The following OSBPL6 variants were observed in gnomAD, a reference collection of about 807,000 sequenced individuals.
OSBPL6 encodes oxysterol-binding protein-related protein 6.
A neutral mutation model predicts 125.8 loss-of-function variants in OSBPL6; 49 were observed. That is an observed-to-expected ratio of 0.39 (90% CI 0.31 to 0.49). OSBPL6 has a LOEUF of 0.49. Among genes scored for constraint, OSBPL6 ranks in the 20% least tolerant of loss-of-function variants. OSBPL6 has a pLI of 0.88. For missense variants in OSBPL6, 986 were observed against 1,135.4 expected (o/e 0.87, Z 1.89); for synonymous variants, 394 against 391.8 (o/e 1.01, Z -0.07).
intron 12 of OSBPL6, among the ~76,000 whole-genome samples, chr2:178,355,262 C>T (rs1211466156): frequency 1.3e-5 from 2 of 151,272 alleles, no homozygotes; most frequent in South Asian, 2.1e-4. Context: ...GAGATAGAGA[C>T]ACAAAAAAAC....
At chr2:178,203,853 G>A (rs1383269601) in intron 1 of OSBPL6, among the ~76,000 whole-genome samples, 3 of 152,040 alleles carry the variant, frequency 2.0e-5, no homozygotes, top group South Asian at 2.1e-4. Context: ...CCCAATGTCC[G>A]CTGAATCATG....
At chr2:178,343,010 G>C (rs1484229729) in intron 11 of OSBPL6, among the ~76,000 whole-genome samples, 1 of 152,110 alleles carries the variant, frequency 6.6e-6, no homozygotes, top group African/African-American at 2.4e-5. Context: ...ATGTGTGTAT[G>C]TATGTATGAC....
intron 3 of OSBPL6, among the ~76,000 whole-genome samples, chr2:178,322,497 G>A (rs571912000): frequency 6.6e-6 from 1 of 152,216 alleles, no homozygotes; most frequent in South Asian, 2.1e-4. Context: ...TAGTTCTCTT[G>A]TCTGTTTTGT....
At chr2:178,275,227 T>C (rs575561819) in intron 1 of OSBPL6, among the ~76,000 whole-genome samples, 2 of 152,196 alleles carry the variant, frequency 1.3e-5, no homozygotes, top group East Asian at 3.9e-4. Flanking sequence ...AGAAAGATAA[T>C]GGTGCTGGGC....
chr2:178,210,060 C>T (rs964849091), intron 1 of OSBPL6, among the ~76,000 whole-genome samples: 5 of 152,008 alleles, frequency 3.3e-5, no homozygotes, highest in Non-Finnish European at 5.9e-5. Flanking sequence ...CACTCTATCA[C>T]CCAGGCTGGA....
chr2:178,395,127 G>A (rs1017508317), intron 24 of OSBPL6, among the ~76,000 whole-genome samples: 2 of 152,100 alleles, frequency 1.3e-5, no homozygotes, highest in Non-Finnish European at 2.9e-5. Flanking sequence ...GGATTCTTGT[G>A]GGTCTGGGAC....
Position 178,395,545 on chromosome 2 carries a change from C to G in OSBPL6, c.2791C>G (p.Pro931Ala). 6.2e-7 allele frequency: 1 copy of G among 1,611,302 alleles called. No homozygotes were observed. Among genetic ancestry groups the G allele is most frequent in the East Asian group, 2.2e-5 (1 of 44,852 alleles). ...KDPGFSKVDS[P>A]VLW ...CCCTGGGTTTAGCAAAGTAGACAGCCCTGTTCTTTGGTAGACTGGGAATGT... is the reference window on the plus strand; with the variant it reads ...CCCTGGGTTTAGCAAAGTAGACAGCGCTGTTCTTTGGTAGACTGGGAATGT... Residue 931 changes from proline (P) to alanine (A), a missense_variant, in exon 25 of 25, where the codon CCT becomes GCT. Physicochemically the swap from Pro to Ala is conservative, Grantham distance 27. Around this residue, in one of 3 missense-constraint regions of OSBPL6, gnomAD observed 843 missense variants for 997.3 expected, o/e 0.85. Transcript: ENST00000190611.
At chr2:178,222,737 GAAGT>G (rs1440258401) in intron 1 of OSBPL6, among the ~76,000 whole-genome samples, 1 of 152,132 alleles carries the variant, frequency 6.6e-6, no homozygotes, top group East Asian at 1.9e-4. Context: ...GTTGTTATAA[GAAGT>G]AATATTTGTA....
intron 5 of OSBPL6, 99 bp downstream of exon 5, chr2:178,328,477 G>GTT (rs1047495619): frequency 1.4e-6 from 2 of 1,457,972 alleles, no homozygotes; most frequent in African/African-American, 2.9e-5. Context: ...GGCAGTATGT[G>GTT]TAAAACTAGC....
chr2:178,283,127 A>G (rs545096894), intron 1 of OSBPL6, among the ~76,000 whole-genome samples: 6 of 152,358 alleles, frequency 3.9e-5, no homozygotes, highest in African/African-American at 1.2e-4. Flanking sequence ...ATAATCAACA[A>G]TTAAATTTTA....
chr2:178,391,502 AAAGCTAGGTATATTT>A (rs1695403325), intron 22 of OSBPL6, among the ~76,000 whole-genome samples: 2 of 152,230 alleles, frequency 1.3e-5, no homozygotes, highest in African/African-American at 4.8e-5. Context: ...CTACATTTGA[AAAGCTAGGTATATTT>A]ATTAAAGACT....
At chr2:178,215,316 A>G (rs1021396556) in intron 1 of OSBPL6, among the ~76,000 whole-genome samples, 1 of 152,204 alleles carries the variant, frequency 6.6e-6, no homozygotes, top group Non-Finnish European at 1.5e-5. Flanking sequence ...AATGTGAATC[A>G]GTAATAAAAT....
intron 1 of OSBPL6, among the ~76,000 whole-genome samples, chr2:178,255,458 C>CT (rs1330863118): frequency 6.6e-6 from 1 of 152,250 alleles, no homozygotes; most frequent in Non-Finnish European, 1.5e-5. Context: ...TTACCTGCCA[C>CT]TGGGTCTCTC....
chr2:178,296,673 T>A (rs1415558275), intron 2 of OSBPL6, among the ~76,000 whole-genome samples: 1 of 152,142 alleles, frequency 6.6e-6, no homozygotes, highest in Non-Finnish European at 1.5e-5. Context: ...TGGGGAGAGA[T>A]GCACATAGCT....
intron 11 of OSBPL6, among the ~76,000 whole-genome samples, chr2:178,341,333 C>CTTTTTTTTTTTTTTTTTTTTTTTTTT (rs60436384): frequency 8.5e-6 from 1 of 117,406 alleles, no homozygotes. Context: ...CCAAATCATT[C>CTTTTTTTTTTTTTTTTTTTTTTTTTT]TTTTTTTTTT....
intron 19 of OSBPL6, 127 bp downstream of exon 19, chr2:178,385,648 G>A: frequency 2.9e-6 from 2 of 699,524 alleles, no homozygotes; most frequent in Admixed American, 2.9e-5. Context: ...AGTAATTGGT[G>A]CAGAGCTCAT....
intron 1 of OSBPL6, among the ~76,000 whole-genome samples, chr2:178,275,714 G>A (rs1407362949): frequency 1.4e-5 from 2 of 138,772 alleles, no homozygotes; most frequent in East Asian, 2.2e-4. Context: ...CTCAGGAGAA[G>A]CCAAACGGAG....
intron 2 of OSBPL6, among the ~76,000 whole-genome samples, chr2:178,289,863 A>C (rs1306909969): frequency 6.6e-6 from 1 of 152,190 alleles, no homozygotes; most frequent in African/African-American, 2.4e-5. Flanking sequence ...TGGAAGTTAG[A>C]TCAAGAGGCT....
At chr2:178,372,052 G>A in intron 13 of OSBPL6, 74 bp from the exon 14 acceptor site, 1 of 1,108,390 alleles carries the variant, frequency 9.0e-7, no homozygotes, top group Non-Finnish European at 1.3e-6. Context: ...TGTCTAACTT[G>A]TACCTGTGTA....
Sources: allele counts gnomAD v4.1 joint callset (sites outside exome capture counted in the v4.1 genomes callset), GRCh38; gene constraint gnomAD v4.1.1; regional missense constraint gnomAD v4.1.1; transcripts MANE v1.5; gene names NCBI Gene and HGNC (gene_info 2026-07-23, HGNC 2026-07-21).